The following LRRC37A2 variants were observed in gnomAD, a reference collection of about 807,000 sequenced individuals.
LRRC37A2 encodes the protein leucine-rich repeat-containing protein 37A2.
In LRRC37A2, 9 loss-of-function variants were observed where a neutral mutation model predicts 68.8. The observed-to-expected ratio is 0.13, with a 90% CI of 0.08 to 0.23. LRRC37A2 has a LOEUF of 0.23. Among genes scored for constraint, LRRC37A2 ranks in the 10% least tolerant of loss-of-function variants. The pLI is 1.00. For missense variants in LRRC37A2, 168 were observed against 950.4 expected, an observed-to-expected ratio of 0.18 and a Z score of 10.82; for synonymous variants, 63 against 367.6, an observed-to-expected ratio of 0.17 and a Z score of 9.48.
At chr17:47,044,974 T>C in the LRRC37A2 span, among the ~76,000 whole-genome samples, 5 of 151,142 alleles carry the variant, frequency 3.3e-5, no homozygotes, top group East Asian at 9.7e-4. Flanking sequence ...ATTGCACCAC[T>C]GCACTCAGCC....
At chr17:46,812,333 C>G in the LRRC37A2 span, among the ~76,000 whole-genome samples, 2 of 152,178 alleles carry the variant, frequency 1.3e-5, no homozygotes, top group African/African-American at 2.4e-5. Flanking sequence ...CCTCCACCCC[C>G]CTACCCCCGC....
the LRRC37A2 span, chr17:46,872,905 C>T: frequency 2.0e-4 from 223 of 1,138,002 alleles, 1 homozygote; most frequent in African/African-American, 6.3e-4. Flanking sequence ...TGCCCTAGCA[C>T]GGTCCCAAAT....
the LRRC37A2 span, among the ~76,000 whole-genome samples, chr17:46,739,841 G>A: frequency 2.6e-5 from 4 of 151,866 alleles, no homozygotes; most frequent in Admixed American, 2.0e-4. Flanking sequence ...TGGGACTACA[G>A]GCGCACACCA....
the LRRC37A2 span, among the ~76,000 whole-genome samples, chr17:47,029,411 G>A: frequency 6.6e-6 from 1 of 152,152 alleles, no homozygotes; most frequent in African/African-American, 2.4e-5. Flanking sequence ...ATCAGAGTGG[G>A]TATATTCAGT....
At chr17:46,408,418 GT>G in the LRRC37A2 span, among the ~76,000 whole-genome samples, 296 of 29,808 alleles carry the variant, frequency 9.9e-3, 44 homozygotes, top group African/African-American at 0.015. Context: ...TGAGAGGACT[GT>G]TTTTTTTTTT....
chr17:46,817,634 C>T, the LRRC37A2 span, among the ~76,000 whole-genome samples: 1 of 140,570 alleles, frequency 7.1e-6, no homozygotes, highest in Admixed American at 7.0e-5. Context: ...ACACGCACAG[C>T]CCCCCCCAAG....
intron 6 of LRRC37A2, among the ~76,000 whole-genome samples, chr17:46,529,967 GGGAA>G (rs2145169232): frequency 7.2e-6 from 1 of 138,038 alleles, no homozygotes; most frequent in African/African-American, 2.8e-5. Flanking sequence ...TCAAGAAAGA[GGGAA>G]GGTTGGAGAG....
the LRRC37A2 span, among the ~76,000 whole-genome samples, chr17:46,796,032 A>C: frequency 6.6e-6 from 1 of 152,176 alleles, no homozygotes; most frequent in Non-Finnish European, 1.5e-5. Flanking sequence ...ATTATCAGTA[A>C]AAAGAAACAG....
chr17:46,768,311 C>A, the LRRC37A2 span: 1 of 1,613,422 alleles, frequency 6.2e-7, no homozygotes, highest in Non-Finnish European at 8.5e-7. This position sits in a 1 kb window ranked among gnomAD's most constrained non-coding sequence, Gnocchi z 5.0. Context: ...CGGAGCCCTA[C>A]CTGGTGCCCT....
chr17:47,009,298 T>C, the LRRC37A2 span, among the ~76,000 whole-genome samples: 8 of 152,344 alleles, frequency 5.3e-5, no homozygotes, highest in Non-Finnish European at 8.8e-5. Flanking sequence ...GTTAGTTTAA[T>C]TTATAACTTG....
chr17:46,750,006 A>G, the LRRC37A2 span: 1 of 1,326,876 alleles, frequency 7.5e-7, no homozygotes, highest in Non-Finnish European at 1.0e-6. Context: ...TTTTATGCTA[A>G]TCTGGAACAT....
chr17:46,589,326 T>C, the LRRC37A2 span, among the ~76,000 whole-genome samples: 1 of 65,350 alleles, frequency 1.5e-5, no homozygotes, highest in Non-Finnish European at 2.3e-5. Flanking sequence ...TGAGACTTAA[T>C]GAAATAGGCG....
chr17:46,767,528 C>T, the LRRC37A2 span, among the ~76,000 whole-genome samples: 1 of 152,142 alleles, frequency 6.6e-6, no homozygotes, highest in African/African-American at 2.4e-5. Flanking sequence ...TTTAAACTGC[C>T]CCCTGCCCTT....
the LRRC37A2 span, among the ~76,000 whole-genome samples, chr17:46,709,439 C>CT: frequency 6.6e-6 from 1 of 151,528 alleles, no homozygotes; most frequent in Non-Finnish European, 1.5e-5. Flanking sequence ...AAAGCTTCTG[C>CT]TGTGAGGCTT....
chr17:47,024,306 TG>T, the LRRC37A2 span, among the ~76,000 whole-genome samples: 1 of 152,210 alleles, frequency 6.6e-6, no homozygotes, highest in Non-Finnish European at 1.5e-5. Flanking sequence ...AGCCCTGACA[TG>T]GTTCCATGTG....
the LRRC37A2 span, among the ~76,000 whole-genome samples, chr17:46,790,728 C>G: frequency 0.19 from 29,480 of 152,196 alleles, 3,578 homozygotes; most frequent in East Asian, 0.33. Context: ...TTCACGGCCA[C>G]AGAAGCAAAA....
the LRRC37A2 span, chr17:46,872,867 TC>T: frequency 7.0e-7 from 1 of 1,425,106 alleles, no homozygotes; most frequent in Non-Finnish European, 9.3e-7. Flanking sequence ...TTTTCCTGGC[TC>T]CCGTGCCCAG....
chr17:46,638,637 A>G, the LRRC37A2 span, among the ~76,000 whole-genome samples: 2 of 137,528 alleles, frequency 1.5e-5, no homozygotes, highest in African/African-American at 5.9e-5. Flanking sequence ...TTGACCTCCC[A>G]AAGTGCTGAG....
the LRRC37A2 span, among the ~76,000 whole-genome samples, chr17:46,746,260 A>G: frequency 3.3e-5 from 5 of 152,198 alleles, no homozygotes; most frequent in Admixed American, 3.3e-4. Context: ...GTGTACTTCT[A>G]TCTCATATTC....
Sources: allele counts gnomAD v4.1 joint callset (sites outside exome capture counted in the v4.1 genomes callset), GRCh38; gene constraint gnomAD v4.1.1; non-coding constraint Gnocchi (gnomAD v3.1); transcripts MANE v1.5; gene names NCBI Gene and HGNC (gene_info 2026-07-23, HGNC 2026-07-21).